The following DIPK1A variants were observed in gnomAD, a reference collection of about 807,000 sequenced individuals.
The protein encoded by DIPK1A is family with sequence similarity 69 member A.
A neutral mutation model predicts 40.8 loss-of-function variants in DIPK1A; 27 were observed. The observed-to-expected ratio is 0.66, with a 90% CI of 0.49 to 0.91. DIPK1A has a LOEUF of 0.91. Among genes scored for constraint, DIPK1A ranks in the 40% least tolerant of loss-of-function variants. The probability of loss-of-function intolerance (pLI) is 0.00; values close to 1 mark genes in which losing one functional copy is unlikely to be tolerated. For synonymous variants in DIPK1A, 166 were observed against 171.3 expected (o/e 0.97, Z 0.24); for missense variants, 412 against 505.7 (o/e 0.81, Z 1.78).
intron 1 of DIPK1A, among the ~76,000 whole-genome samples, chr1:92,955,427 G>C (rs980613224): frequency 6.6e-6 from 1 of 152,150 alleles, no homozygotes; most frequent in African/African-American, 2.4e-5. Context: ...GGCTGGGCAC[G>C]GTGGCTCACG....
intron 2 of DIPK1A, among the ~76,000 whole-genome samples, chr1:92,854,425 A>G (rs1461275337): frequency 6.6e-6 from 1 of 152,222 alleles, no homozygotes; most frequent in Non-Finnish European, 1.5e-5. Flanking sequence ...CTTAATGACT[A>G]TTGTATATTG....
chr1:92,958,965 G>A (rs1402163041), intron 1 of DIPK1A, among the ~76,000 whole-genome samples: 2 of 152,202 alleles, frequency 1.3e-5, no homozygotes, highest in African/African-American at 4.8e-5. Context: ...GAGATGAAAT[G>A]ATGTGATGCC....
intron 2 of DIPK1A, among the ~76,000 whole-genome samples, chr1:92,865,868 AGATT>A (rs1324161852): frequency 6.6e-6 from 1 of 152,224 alleles, no homozygotes; most frequent in Non-Finnish European, 1.5e-5. Context: ...CTTGATTAAT[AGATT>A]AATATGCACT....
intron 4 of DIPK1A, chr1:92,833,765 A>G (rs1226971321): frequency 5.8e-6 from 5 of 858,316 alleles, no homozygotes; most frequent in South Asian, 1.4e-5. Context: ...AGCACCTCCA[A>G]AAGCATCCAG....
exon 5 of DIPK1A, chr1:92,832,833 C>T: frequency 1.7e-6 from 1 of 599,702 alleles, no homozygotes. Flanking sequence ...TGAATGTGCT[C>T]TTGCCCAGTT....
intron 2 of DIPK1A, among the ~76,000 whole-genome samples, chr1:92,868,965 T>TAAAAA (rs33962424): frequency 0.037 from 5,087 of 136,562 alleles, 255 homozygotes; most frequent in East Asian, 0.21. Flanking sequence ...GACTCAATCT[T>TAAAAA]AAAAAAAAAA....
At position 92,908,276 on chromosome 1, in the gene DIPK1A, G is replaced by GA. The variant is rs200628735; in HGVS notation, c.55-31847dup. ...ATGGGAGTAGTCGTCATCACCTGAGGAAAAAAATTAGAGTGAGAAAAGGGT... is the reference window on the plus strand; with the variant it reads ...ATGGGAGTAGTCGTCATCACCTGAGGAAAAAAAATTAGAGTGAGAAAAGGGT... On this transcript the variant is annotated intron_variant, in intron 1 of 4. Coordinates refer to ENST00000370310, the MANE Select transcript of DIPK1A (RefSeq NM_001006605.5). Among the ~76,000 whole-genome samples the GA allele has an allele frequency of 5.8e-3, 878 of 152,104 alleles. 7 individuals are homozygous for GA. The highest frequency in any genetic ancestry group is 0.02 in the African/African-American group (846 of 41,494).
At chr1:92,875,826 A>ATTCT (rs1179502490) in intron 2 of DIPK1A, among the ~76,000 whole-genome samples, 1 of 151,962 alleles carries the variant, frequency 6.6e-6, no homozygotes, top group East Asian at 1.9e-4. Context: ...CACTACTAGA[A>ATTCT]ATCTTAGACT....
chr1:92,945,934 G>A (rs1422482278), intron 1 of DIPK1A, among the ~76,000 whole-genome samples: 1 of 152,144 alleles, frequency 6.6e-6, no homozygotes, highest in Non-Finnish European at 1.5e-5. Flanking sequence ...ACTTCATTAG[G>A]GATCCCAAAG....
At chr1:92,933,010 A>T (rs1650817995) in intron 1 of DIPK1A, 1 of 152,204 alleles carries the variant, frequency 6.6e-6, no homozygotes, top group South Asian at 2.1e-4. Flanking sequence ...TTGATAGTGG[A>T]GGAGGCTGTA....
At chr1:92,918,379 C>A (rs777014269) in intron 1 of DIPK1A, among the ~76,000 whole-genome samples, 11 of 152,192 alleles carry the variant, frequency 7.2e-5, no homozygotes, top group Non-Finnish European at 1.2e-4. Flanking sequence ...GAACTCTTCA[C>A]CTCAGGTGAT....
At chr1:92,894,158 A>G (rs528729833) in intron 1 of DIPK1A, among the ~76,000 whole-genome samples, 1 of 152,182 alleles carries the variant, frequency 6.6e-6, no homozygotes, top group Admixed American at 6.5e-5. Context: ...CGGACCTAAT[A>G]GGCATCTACA....
At chr1:92,927,364 G>GTTTTTTTTTTTTTTT (rs61508867) in intron 1 of DIPK1A, among the ~76,000 whole-genome samples, 1 of 104,670 alleles carries the variant, frequency 9.6e-6, no homozygotes, top group African/African-American at 3.6e-5. Flanking sequence ...CAATTTTGTT[G>GTTTTTTTTTTTTTTT]TTTTTTTTTT....
chr1:92,845,194 G>A (rs1687548705), intron 4 of DIPK1A, among the ~76,000 whole-genome samples: 1 of 150,410 alleles, frequency 6.6e-6, no homozygotes. Context: ...TGATCCATCC[G>A]TCTCGGCTTC....
At chr1:92,835,503 A>G (rs1403068404) in intron 4 of DIPK1A, among the ~76,000 whole-genome samples, 2 of 150,822 alleles carry the variant, frequency 1.3e-5, no homozygotes, top group South Asian at 2.2e-4. Context: ...AAAAGTAGAA[A>G]AAAAAAAAAA....
intron 1 of DIPK1A, among the ~76,000 whole-genome samples, chr1:92,930,066 C>T (rs1483464090): frequency 6.6e-6 from 1 of 152,214 alleles, no homozygotes; most frequent in Non-Finnish European, 1.5e-5. Flanking sequence ...GCTTGGGTCA[C>T]TGGTCATCTT....
In DIPK1A at chr1:92,843,438, A is replaced by C; in HGVS notation, c.1232T>G (p.Leu411Arg). 6.4e-7 allele frequency: 1 copy of C among 1,550,660 alleles called. No homozygotes were observed. The highest frequency in any genetic ancestry group is 1.2e-5 in the South Asian group (1 of 83,978). The change falls in exon 5 of 5, where the codon CTA becomes CGA. Residue 411 changes from leucine to arginine, a missense_variant. Physicochemically the swap from Leu to Arg is moderately radical, Grantham distance 102. Transcript: ENST00000370310. ...CCACAATAATGTTTTTAGGTTATTTAGTATCAAAGAATGTTCCATTTCCAT... is the reference window on the plus strand; with the variant it reads ...CCACAATAATGTTTTTAGGTTATTTCGTATCAAAGAATGTTCCATTTCCAT... ...NQMEMEHSLI[L>R]NNLKTLLWKK...
At chr1:92,846,322 T>C (rs1355166845) in intron 4 of DIPK1A, 1 of 154,182 alleles carries the variant, frequency 6.5e-6, no homozygotes, top group East Asian at 1.9e-4. Flanking sequence ...TTTTTGAAAA[T>C]AACCAAAAAT....
intron 1 of DIPK1A, among the ~76,000 whole-genome samples, chr1:92,893,275 G>T (rs1272909073): frequency 4.0e-5 from 6 of 151,402 alleles, no homozygotes; most frequent in Non-Finnish European, 8.8e-5. Context: ...ACCCACAAAG[G>T]GAAGCCCATC....
Sources: gnomAD v4.1 joint callset for allele counts (sites outside exome capture counted in the v4.1 genomes callset) on GRCh38, gnomAD v4.1.1 for gene constraint, MANE v1.5 for transcripts, NCBI Gene and HGNC (gene_info 2026-07-23, HGNC 2026-07-21) for gene names.